GGCX: variants seen among roughly 807,000 people sequenced by gnomAD.
GGCX encodes vitamin K-dependent gamma-carboxylase.
A neutral mutation model predicts 88.5 loss-of-function variants in GGCX; 63 were observed. The ratio of observed to expected loss-of-function variants is 0.71; its 90% CI spans 0.58 to 0.88. The LOEUF is 0.88. Among genes scored for constraint, GGCX ranks in the 40% least tolerant of loss-of-function variants. The pLI is 0.00. For synonymous variants in GGCX, 368 were observed against 365.8 expected, an observed-to-expected ratio of 1.01 and a Z score of -0.07; for missense variants, 805 against 932.9, an observed-to-expected ratio of 0.86 and a Z score of 1.79.
chr2:85,559,849 G>A (rs1474935531), intron 2 of GGCX, among the ~76,000 whole-genome samples: 1 of 152,170 alleles, frequency 6.6e-6, no homozygotes, highest in African/African-American at 2.4e-5. Context: ...CTCAGATCAG[G>A]AAGCCAGCTT....
Position 85,545,434 on chromosome 2 carries a change from TGA to T in GGCX, c.*4498_*4499del, listed in dbSNP as rs962640563. On this transcript the variant is annotated 3_prime_UTR_variant, in exon 15 of 15. Transcript: ENST00000233838. Reference sequence around the variant, plus strand: ...TCAAGCCACTGCACTCCAGCCTGGGTGACTGAGACTTTGGCTCTTAAAAAATG... The same window carrying T: ...TCAAGCCACTGCACTCCAGCCTGGGTCTGAGACTTTGGCTCTTAAAAAATG... The T allele has an allele frequency of 1.3e-5, 2 of 152,256 alleles. No homozygotes were observed. Among genetic ancestry groups the T allele is most frequent in the African/African-American group, 4.8e-5 (2 of 41,418 alleles). 9.4% of individuals were successfully genotyped at this position (152,256 alleles called of 1,614,324 possible).
At chr2:85,556,732 C>CA (rs1298043800) in intron 4 of GGCX, among the ~76,000 whole-genome samples, 1 of 152,140 alleles carries the variant, frequency 6.6e-6, no homozygotes, top group Non-Finnish European at 1.5e-5. Flanking sequence ...TTCCTGCTAA[C>CA]AGCTTGTATT....
intron 4 of GGCX, among the ~76,000 whole-genome samples, chr2:85,557,361 C>T (rs1308577796): frequency 2.0e-5 from 3 of 152,100 alleles, no homozygotes; most frequent in East Asian, 1.9e-4. Flanking sequence ...GTGGCACACA[C>T]CTGTTGTTCC....
intron 3 of GGCX, 86 bp downstream of exon 3, chr2:85,558,831 G>A (rs1692314946): frequency 8.0e-7 from 1 of 1,246,972 alleles, no homozygotes; most frequent in Non-Finnish European, 1.2e-6. Context: ...GTGAAATAAG[G>A]TGCCAAAGAC....
rs763943270 is a variant in GGCX at position 85,547,372 on chromosome 2, T to G, written c.*2562A>C. Reference sequence around the variant, plus strand: ...AGAATGGCTACAGTTGCAACCCAACTCTACCCCACTGAACAGCTTTTATTA... The same window carrying G: ...AGAATGGCTACAGTTGCAACCCAACGCTACCCCACTGAACAGCTTTTATTA... On this transcript the variant is annotated 3_prime_UTR_variant, in exon 15 of 15. Transcript: ENST00000233838. 3 of 152,192 alleles carry G rather than the reference T, an allele frequency of 2.0e-5. No individual in the cohort carries two copies. The highest frequency in any genetic ancestry group is 4.4e-5 in the Non-Finnish European group (3 of 68,028). The allele number at this position is 152,192 out of a possible 1,614,324, so 9.4% of individuals were successfully genotyped here.
In GGCX at chr2:85,560,955, ATCAGT is replaced by A. The variant is rs750575749; in HGVS notation, c.69_73del (p.Glu23AspfsTer17). The A allele has an allele frequency of 6.2e-7, 1 of 1,613,920 alleles. No homozygotes were observed. The highest frequency in any genetic ancestry group is 1.3e-5 in the African/African-American group (1 of 74,946). On this transcript the variant is annotated frameshift_variant, in exon 2 of 15. Coordinates refer to ENST00000233838, the MANE Select transcript of GGCX (RefSeq NM_000821.7). LOFTEE classifies it high-confidence loss of function. ...TCGGCTGTCCTGCCTGGGCCCTGAG[ATCAGT>A]TCAGCCTTGTCTTTCTGTACTTTAT...
rs775411713 is a variant in GGCX, at chr2:85,554,232, C to G, written c.800G>C (p.Gly267Ala). The change falls in exon 7 of 15, where the codon GGT becomes GCT. Residue 267 changes from glycine (G) to alanine (A), a missense_variant. Transcript: ENST00000233838. ...TGAGACATCAAAAAAGAGCAGGAAA[C>G]CAGCTGAGAGGTCAAGCAGCAGCCC... ...WGGLLLDLSA[G>A]FLLFFDVSRS... The G allele has an allele frequency of 1.9e-6, 3 of 1,613,598 alleles. No individual in the cohort carries two copies. The South Asian group carries it at 3.3e-5, about 18-fold the overall frequency.
intron 11 of GGCX, 59 bp downstream of exon 11, chr2:85,551,753 C>A: frequency 6.4e-7 from 1 of 1,574,186 alleles, no homozygotes; most frequent in Non-Finnish European, 8.7e-7. Flanking sequence ...CATGGAATGT[C>A]CCTGGCCAAG....
intron 8 of GGCX, 29 bp from the exon 9 acceptor site, chr2:85,553,099 C>T (rs767018602): frequency 1.2e-6 from 2 of 1,614,158 alleles, no homozygotes; most frequent in Non-Finnish European, 1.7e-6. Flanking sequence ...GGGGAATCAG[C>T]TCAATGCTTC....
At position 85,553,472 on chromosome 2, in the gene GGCX, G is replaced by A. The variant is rs766250875; in HGVS notation, c.915C>T (p.Ala305=). The part of the protein sequence containing the change: ...SIGMFSYVML[A]SSPLFCSPEW... ...CAGGGGAGCAGAAGAGAGGGCTGCT[G>A]GCCAGCATGACGTAGGAGAACATAC... The change falls in exon 8 of 15, where the codon GCC becomes GCT. Residue 305 remains alanine, a synonymous_variant. Coordinates refer to ENST00000233838, the MANE Select transcript of GGCX (RefSeq NM_000821.7). 6.2e-7 allele frequency: 1 copy of A among 1,613,848 alleles called. No individual in the cohort carries two copies. The highest frequency in any genetic ancestry group is 8.5e-7 in the Non-Finnish European group (1 of 1,180,008).
In GGCX at chr2:85,554,286, A is replaced by G. The variant is rs778201031; in HGVS notation, c.746T>C (p.Leu249Pro). 1 of 1,614,092 alleles carries G rather than the reference A, an allele frequency of 6.2e-7. No homozygotes were observed. Among genetic ancestry groups the G allele is most frequent in the South Asian group, 1.1e-5 (1 of 91,086 alleles). ...CCAGTGCACGACCAGCAGGCTAGTC[A>G]GCTCCTCAGACAACAGCAGTCTGCA... Reference protein sequence around the residue: ...SPFKLLLSEELTSLLVVHWGG... With the variant: ...SPFKLLLSEEPTSLLVVHWGG... Residue 249 changes from leucine (L) to proline (P), a missense_variant, in exon 7 of 15, where the codon CTG becomes CCG. Transcript: ENST00000233838.
rs1691598908 is a variant in GGCX, at chr2:85,545,247, G to A, written c.*4687C>T. 1 of 152,592 alleles carries A rather than the reference G, an allele frequency of 6.6e-6. No individual in the cohort carries two copies. The highest frequency in any genetic ancestry group is 2.1e-4 in the South Asian group (1 of 4,828). 9.5% of individuals were successfully genotyped at this position (152,592 alleles called of 1,614,324 possible). A position where few individuals can be genotyped will look rare whatever the true frequency, so the allele number is the denominator to read the frequency against. ...TGGTTCTCAATTCCAACAGTTTAAT[G>A]AAGATCTAAATAAAATGCTAGGTTC... On this transcript the variant is annotated 3_prime_UTR_variant, in exon 15 of 15. Coordinates refer to ENST00000233838, the MANE Select transcript of GGCX (RefSeq NM_000821.7).
Position 85,553,519 on chromosome 2 carries a change from AC to A in GGCX, c.890-23del, listed in dbSNP as rs761285693. On this transcript the variant is annotated intron_variant, in intron 7 of 14. Transcript: ENST00000233838. ...ATACCTAGGAAAGCAGGGAGAAAAT[AC>A]ATATTTCAGGAGTTTGGCTGGGCCT... is the stretch of plus-strand genomic sequence containing the variant. The A allele has an allele frequency of 2.5e-6, 4 of 1,612,360 alleles. No homozygotes were observed. The African/African-American group carries it at 5.3e-5, about 22-fold the overall frequency.
At position 85,548,456 on chromosome 2, in the gene GGCX, G is replaced by A. The variant is rs79654984; in HGVS notation, c.*1478C>T. 2 of 152,330 alleles carry A rather than the reference G, an allele frequency of 1.3e-5. No homozygotes were observed. The highest frequency in any genetic ancestry group is 1.9e-4 in the East Asian group (1 of 5,180). 9.4% of individuals were successfully genotyped at this position (152,330 alleles called of 1,614,324 possible). ...CTTAGACCTATACGTCTAGGGCACA[G>A]GAAAGAAACCTAGCATCGTTGGAAA... On this transcript the variant is annotated 3_prime_UTR_variant, in exon 15 of 15. Transcript: ENST00000233838.
intron 4 of GGCX, among the ~76,000 whole-genome samples, chr2:85,557,731 A>AC (rs1487852627): frequency 6.6e-6 from 1 of 152,174 alleles, no homozygotes; most frequent in Non-Finnish European, 1.5e-5. Context: ...ACAAAGCGAG[A>AC]CCCCATCTCT....
In GGCX at chr2:85,552,455, A is replaced by C. The variant is rs774958910; in HGVS notation, c.1400T>G (p.Phe467Cys). 3.1e-6 allele frequency: 5 copies of C among 1,613,752 alleles called. No individual in the cohort carries two copies. The Admixed American group carries it at 8.3e-5, about 27-fold the overall frequency. Residue 467 changes from phenylalanine to cysteine, a missense_variant, in exon 10 of 15, where the codon TTT (phenylalanine) becomes TGT (cysteine). This residue lies in a region of GGCX where 680 missense variants were observed against 763.7 expected (regional missense o/e 0.89). Transcript: ENST00000233838. Reference sequence around the variant, plus strand: ...GTCATTGATGGAGACCCAAATATCAAAGTAGATCTGGGGCTCAGTGACATT... The same window carrying C: ...GTCATTGATGGAGACCCAAATATCACAGTAGATCTGGGGCTCAGTGACATT... Reference protein sequence around the residue: ...KYNVTEPQIYFDIWVSINDRF... With the variant: ...KYNVTEPQIYCDIWVSINDRF...
In GGCX at chr2:85,553,237, T is replaced by C; in HGVS notation, c.1150A>G (p.Thr384Ala). 2 of 1,613,724 alleles carry C rather than the reference T, an allele frequency of 1.2e-6. No individual in the cohort carries two copies. Among genetic ancestry groups the C allele is most frequent in the South Asian group, 2.2e-5 (2 of 91,058 alleles). ...QLFLPYSHFL[T>A]QGYNNWTNGL... ...ACTCCACAGCCCCTACAAACCTGGG[T>C]GAGAAAATGAGAATAGGGCAGGAAT... Residue 384 changes from threonine (T) to alanine (A), a missense_variant, in exon 8 of 15, where the codon ACC (threonine) becomes GCC (alanine). Thr to Ala is a moderately conservative substitution (Grantham distance 58). This residue lies in a region of GGCX where 680 missense variants were observed against 763.7 expected (regional missense o/e 0.89). Transcript: ENST00000233838.
At position 85,553,488 on chromosome 2, in the gene GGCX, G is replaced by A. The variant is rs121909684; in HGVS notation, c.899C>T (p.Ser300Phe). The A allele has an allele frequency of 8.7e-6, 14 of 1,613,534 alleles. No individual in the cohort carries two copies. In the African/African-American group the frequency reaches 1.9e-4, roughly 22 times the overall value. ...AGGGCTGCTGGCCAGCATGACGTAG[G>A]AGAACATACCTAGGAAAGCAGGGAG... Reference protein sequence around the residue: ...NSQLFSIGMFSYVMLASSPLF... With the variant: ...NSQLFSIGMFFYVMLASSPLF... The change falls in exon 8 of 15, where the codon TCC (serine) becomes TTC (phenylalanine). Residue 300 changes from serine to phenylalanine, a missense_variant. By Grantham distance (155) the Ser-to-Phe change is radical. Around this residue, in one of 3 missense-constraint regions of GGCX, gnomAD observed 680 missense variants for 763.7 expected, o/e 0.89. Coordinates refer to ENST00000233838, the MANE Select transcript of GGCX (RefSeq NM_000821.7).
At chr2:85,551,649 A>G in intron 11 of GGCX, 39 bp from the exon 12 acceptor site, 10 of 1,611,900 alleles carry the variant, frequency 6.2e-6, no homozygotes, top group Non-Finnish European at 8.5e-6. Flanking sequence ...ACCCCATGGC[A>G]GAGTGAACTC....
Sources: gnomAD v4.1 joint callset for allele counts (sites outside exome capture counted in the v4.1 genomes callset) on GRCh38, gnomAD v4.1.1 for gene constraint, gnomAD v4.1.1 regional missense constraint, MANE v1.5 for transcripts, NCBI Gene and HGNC (gene_info 2026-07-23, HGNC 2026-07-21) for gene names.